Variants in ATP10A observed in about 807,000 individuals in gnomAD.
ATP10A encodes the protein ATPase phospholipid transporting 10A (putative).
In ATP10A, 111 loss-of-function variants were observed where a neutral mutation model predicts 147.8. That is an observed-to-expected ratio of 0.75 (90% CI 0.64 to 0.88). ATP10A has a LOEUF of 0.88. ATP10A is among the 40% of genes least tolerant of loss of function. ATP10A has a pLI of 0.00. For missense variants in ATP10A, 1,927 were observed against 1,959.0 expected (o/e 0.98, Z 0.31); for synonymous variants, 875 against 841.6 (o/e 1.04, Z -0.69).
At chr15:25,850,328 C>A (rs1281747294) in intron 1 of ATP10A, among the ~76,000 whole-genome samples, 1 of 152,182 alleles carries the variant, frequency 6.6e-6, no homozygotes, top group Non-Finnish European at 1.5e-5. Context: ...TCTGAGTCAA[C>A]CATGCTCCTG....
At chr15:25,725,153 T>G (rs1223677266) in intron 5 of ATP10A, among the ~76,000 whole-genome samples, 1 of 152,090 alleles carries the variant, frequency 6.6e-6, no homozygotes, top group Admixed American at 6.6e-5. Context: ...ACGAACCCTA[T>G]TGTGAATTGT....
chr15:25,743,855 C>T (rs962090197), intron 2 of ATP10A, among the ~76,000 whole-genome samples: 10 of 152,120 alleles, frequency 6.6e-5, no homozygotes, highest in African/African-American at 2.4e-4. Context: ...TTAAAGTCAT[C>T]AGTGTGCGGG....
chr15:25,714,162 G>A lies in ATP10A; in HGVS notation c.1856C>T (p.Thr619Ile). 1 of 1,610,168 alleles carries A rather than the reference G, an allele frequency of 6.2e-7. No homozygotes were observed. The highest frequency in any genetic ancestry group is 8.5e-7 in the Non-Finnish European group (1 of 1,180,028). Reference sequence around the variant, plus strand: ...GCTCCCGATGCTGCTGCAGCCTGAGGTCAGGCAGCTGGGTGTGAACCTCCG... The same window carrying A: ...GCTCCCGATGCTGCTGCAGCCTGAGATCAGGCAGCTGGGTGTGAACCTCCG... ...FLRRFTPSCL[T>I]SGCSSIGSLA... Residue 619 changes from threonine (T) to isoleucine (I), a missense_variant, in exon 10 of 21, where the codon ACC becomes ATC. Thr to Ile is a moderately conservative substitution (Grantham distance 89, BLOSUM62 -1). Coordinates refer to ENST00000555815, the MANE Select transcript of ATP10A (RefSeq NM_024490.4).
intron 1 of ATP10A, among the ~76,000 whole-genome samples, chr15:25,809,766 G>GT (rs1891348550): frequency 6.6e-6 from 1 of 152,120 alleles, no homozygotes. Flanking sequence ...GCAACATACT[G>GT]TAACTTAAGC....
At chr15:25,809,284 C>T (rs11161225) in intron 1 of ATP10A, among the ~76,000 whole-genome samples, 84,427 of 151,896 alleles carry the variant, frequency 0.56, 24,513 homozygotes, top group East Asian at 0.8. Context: ...GAGGAGCATA[C>T]GTCGGGCGGG....
intron 1 of ATP10A, among the ~76,000 whole-genome samples, chr15:25,795,356 A>T (rs187738112): frequency 5.8e-4 from 89 of 152,266 alleles, no homozygotes; most frequent in African/African-American, 1.9e-3. Flanking sequence ...GATGTTTAAC[A>T]TCTAATGAAT....
intron 17 of ATP10A, among the ~76,000 whole-genome samples, chr15:25,682,134 A>C (rs1055797640): frequency 4.0e-5 from 6 of 151,602 alleles, no homozygotes; most frequent in Non-Finnish European, 8.8e-5. Context: ...GGAAGTAGGA[A>C]TAGCACCTGA....
At chr15:25,712,767 G>C (rs1453545408) in intron 10 of ATP10A, among the ~76,000 whole-genome samples, 1 of 152,152 alleles carries the variant, frequency 6.6e-6, no homozygotes, top group Non-Finnish European at 1.5e-5. Context: ...TCCTCTCAGA[G>C]ACACATTTGC....
intron 1 of ATP10A, among the ~76,000 whole-genome samples, chr15:25,791,243 C>G (rs1890410206): frequency 7.1e-6 from 1 of 140,678 alleles, no homozygotes; most frequent in African/African-American, 2.6e-5. Context: ...CCACACTTGG[C>G]TAGGGCAGGA....
chr15:25,796,120 G>A (rs1037369954), intron 1 of ATP10A, among the ~76,000 whole-genome samples: 6 of 152,136 alleles, frequency 3.9e-5, no homozygotes, highest in Non-Finnish European at 7.3e-5. Context: ...AACACAAAAC[G>A]AACAGGGACA....
intron 1 of ATP10A, among the ~76,000 whole-genome samples, chr15:25,789,758 T>G (rs951227060): frequency 6.6e-6 from 1 of 152,192 alleles, no homozygotes; most frequent in African/African-American, 2.4e-5. Flanking sequence ...TCAGCGCTGT[T>G]GAGATTTGGG....
At chr15:25,852,849 C>T (rs551361512) in intron 1 of ATP10A, among the ~76,000 whole-genome samples, 31 of 152,296 alleles carry the variant, frequency 2.0e-4, no homozygotes, top group African/African-American at 7.2e-4. Flanking sequence ...TATAACCCTG[C>T]GTACTCCACT....
At chr15:25,684,373 C>A (rs1899598959) in intron 16 of ATP10A, among the ~76,000 whole-genome samples, 2 of 152,182 alleles carry the variant, frequency 1.3e-5, no homozygotes, top group Non-Finnish European at 2.9e-5. Flanking sequence ...TCTCGCTTTC[C>A]TTGCTCATGA....
intron 2 of ATP10A, among the ~76,000 whole-genome samples, chr15:25,744,937 G>A (rs886215764): frequency 2.6e-5 from 4 of 152,136 alleles, no homozygotes; most frequent in African/African-American, 9.7e-5. Flanking sequence ...GCAACAAACC[G>A]CAGATGCAAG....
intron 1 of ATP10A, among the ~76,000 whole-genome samples, chr15:25,835,251 A>T (rs932699852): frequency 1.3e-5 from 2 of 152,188 alleles, no homozygotes; most frequent in African/African-American, 4.8e-5. Context: ...AGCCTGAGCA[A>T]TAGAGTGAGA....
rs1893862653 is a variant in ATP10A at position 25,863,284 on chromosome 15, C to T, written c.-188G>A. On this transcript the variant is annotated 5_prime_UTR_variant, in exon 1 of 21. Coordinates refer to ENST00000555815, the MANE Select transcript of ATP10A (RefSeq NM_024490.4). ...AGCCCGCGCCCAGCCCCGTCCACTC[C>T]CGTCCAGCCCCGCCGCCCGGCCGCA... 4.8e-6 allele frequency: 1 copy of T among 207,090 alleles called. No homozygotes were observed. The highest frequency in any genetic ancestry group is 8.7e-6 in the Non-Finnish European group (1 of 114,612). 12.8% of individuals were successfully genotyped at this position (207,090 alleles called of 1,614,324 possible). A position where few individuals can be genotyped will look rare whatever the true frequency, so the allele number is the denominator to read the frequency against.
chr15:25,700,890 A>G (rs1900620699), intron 13 of ATP10A, among the ~76,000 whole-genome samples: 1 of 151,846 alleles, frequency 6.6e-6, no homozygotes, highest in African/African-American at 2.4e-5. Flanking sequence ...GTCAACCTTT[A>G]GTATAAATTC....
At chr15:25,860,718 T>C (rs1318407887) in intron 1 of ATP10A, among the ~76,000 whole-genome samples, 1 of 152,046 alleles carries the variant, frequency 6.6e-6, no homozygotes, top group Non-Finnish European at 1.5e-5. Context: ...AGTTTCAAAG[T>C]CCCATGAAGC....
At chr15:25,808,861 T>C (rs535566764) in intron 1 of ATP10A, among the ~76,000 whole-genome samples, 1 of 152,086 alleles carries the variant, frequency 6.6e-6, no homozygotes, top group East Asian at 1.9e-4. Context: ...GAGGTGGGAT[T>C]TGAGTTTAGG....
Sources: allele counts gnomAD v4.1 joint callset (sites outside exome capture counted in the v4.1 genomes callset), GRCh38; gene constraint gnomAD v4.1.1; transcripts MANE v1.5; gene names NCBI Gene and HGNC (gene_info 2026-07-23, HGNC 2026-07-21).